The following RBMS3 variants were observed in gnomAD, a reference collection of about 807,000 sequenced individuals.
RBMS3 encodes RNA-binding motif, single-stranded-interacting protein 3.
A neutral mutation model predicts 66.8 loss-of-function variants in RBMS3; 27 were observed. The ratio of observed to expected loss-of-function variants is 0.40; its 90% confidence interval spans 0.30 to 0.56. The LOEUF (loss-of-function observed/expected upper bound fraction) is 0.56. Ranked by LOEUF, RBMS3 falls within the 20% of genes least tolerant of loss-of-function variation. The pLI is 0.40. For missense variants in RBMS3, 513 were observed against 549.5 expected (o/e 0.93, Z 0.66); for synonymous variants, 188 against 183.0 (o/e 1.03, Z -0.22).
At chr3:29,370,774 C>A (rs950381729) in intron 1 of RBMS3, among the ~76,000 whole-genome samples, 9 of 152,174 alleles carry the variant, frequency 5.9e-5, no homozygotes, top group Non-Finnish European at 1.3e-4. Context: ...ATACAAGAAA[C>A]AATCCATAGT....
intron 6 of RBMS3, among the ~76,000 whole-genome samples, chr3:29,858,328 T>C (rs900658950): frequency 6.6e-6 from 1 of 152,186 alleles, no homozygotes; most frequent in African/African-American, 2.4e-5. Flanking sequence ...AATCTATAAA[T>C]ATAAAATACA....
chr3:29,676,375 G>A (rs113001759), intron 4 of RBMS3, among the ~76,000 whole-genome samples: 1 of 152,254 alleles, frequency 6.6e-6, no homozygotes, highest in African/African-American at 2.4e-5. Flanking sequence ...GTATACATAT[G>A]TAACAAACCT....
chr3:29,555,723 G>A (rs2046335740), intron 3 of RBMS3, among the ~76,000 whole-genome samples: 1 of 152,070 alleles, frequency 6.6e-6, no homozygotes, highest in Non-Finnish European at 1.5e-5. Context: ...GTGGAATTTG[G>A]TTCTGTCTCC....
chr3:29,334,539 A>G (rs996088192), intron 1 of RBMS3, among the ~76,000 whole-genome samples: 2 of 152,126 alleles, frequency 1.3e-5, no homozygotes, highest in Non-Finnish European at 2.9e-5. Flanking sequence ...GCAGCAGATG[A>G]TAAATCAAAA....
At chr3:29,306,781 G>GAC (rs2034042613) in intron 1 of RBMS3, among the ~76,000 whole-genome samples, 1 of 151,794 alleles carries the variant, frequency 6.6e-6, no homozygotes, top group Admixed American at 6.6e-5. Context: ...CTTTGCTTAT[G>GAC]TTCTCCCGTT....
At chr3:29,317,125 A>C (rs78387889) in intron 1 of RBMS3, among the ~76,000 whole-genome samples, 2,177 of 151,888 alleles carry the variant, frequency 0.014, 136 homozygotes, top group Admixed American at 0.12. Flanking sequence ...GCCTTAAGTC[A>C]AAATATGATA....
intron 2 of RBMS3, among the ~76,000 whole-genome samples, chr3:29,482,674 A>G (rs1176012714): frequency 2.1e-5 from 3 of 146,104 alleles, no homozygotes; most frequent in Non-Finnish European, 4.5e-5. Flanking sequence ...GAAAAAGTAC[A>G]CAGTCTACCA....
intron 6 of RBMS3, among the ~76,000 whole-genome samples, chr3:29,782,035 G>A (rs1373148591): frequency 1.3e-5 from 2 of 151,966 alleles, no homozygotes; most frequent in Non-Finnish European, 2.9e-5. Flanking sequence ...CCCCCCACCT[G>A]GTGGTCTTTC....
At chr3:29,892,024 T>A (rs1447775854) in intron 8 of RBMS3, among the ~76,000 whole-genome samples, 1 of 151,514 alleles carries the variant, frequency 6.6e-6, no homozygotes, top group Non-Finnish European at 1.5e-5. Context: ...TATATTAATG[T>A]TATTTTTATT....
chr3:29,800,036 A>G (rs1002752606), intron 6 of RBMS3, among the ~76,000 whole-genome samples: 1 of 152,208 alleles, frequency 6.6e-6, no homozygotes, highest in Non-Finnish European at 1.5e-5. Context: ...TAGATGTACC[A>G]TGTATACTGA....
intron 4 of RBMS3, among the ~76,000 whole-genome samples, chr3:29,629,319 C>T (rs765809649): frequency 2.2e-4 from 33 of 152,114 alleles, no homozygotes; most frequent in Non-Finnish European, 3.7e-4. Flanking sequence ...AATTATTTAA[C>T]TCTTCTGTGT....
chr3:29,685,547 G>A (rs1361695803), intron 4 of RBMS3, among the ~76,000 whole-genome samples: 1 of 151,990 alleles, frequency 6.6e-6, no homozygotes, highest in Non-Finnish European at 1.5e-5. Context: ...CCATTACTTG[G>A]TGCAAAACAA....
chr3:29,477,058 G>A (rs1481766865), intron 2 of RBMS3, among the ~76,000 whole-genome samples: 4 of 152,014 alleles, frequency 2.6e-5, no homozygotes, highest in East Asian at 1.9e-4. Context: ...TACAGTACAC[G>A]GAATTTCTCT....
At chr3:29,701,765 G>A (rs2052597429) in intron 4 of RBMS3, among the ~76,000 whole-genome samples, 1 of 152,162 alleles carries the variant, frequency 6.6e-6, no homozygotes, top group Non-Finnish European at 1.5e-5. Context: ...CCGGCCCACT[G>A]GCACTGCGCT....
Position 30,003,943 on chromosome 3 carries a change from A to C in RBMS3, c.*81A>C. ...AACAAGAAGTTGGCTTCCAGTTTGCACAGACGTCAATGGAATGCATTTTTT... is the reference window on the plus strand; with the variant it reads ...AACAAGAAGTTGGCTTCCAGTTTGCCCAGACGTCAATGGAATGCATTTTTT... On this transcript the variant is annotated 3_prime_UTR_variant, in exon 15 of 15. Coordinates refer to ENST00000383767, the MANE Select transcript of RBMS3 (RefSeq NM_001003793.3). 1.6e-6 allele frequency: 2 copies of C among 1,223,266 alleles called. No individual in the cohort carries two copies. The highest frequency in any genetic ancestry group is 2.2e-6 in the Non-Finnish European group (2 of 910,732). 75.8% of individuals were successfully genotyped at this position (1,223,266 alleles called of 1,614,324 possible).
At chr3:29,723,490 A>G (rs2149324398) in intron 4 of RBMS3, among the ~76,000 whole-genome samples, 1 of 152,334 alleles carries the variant, frequency 6.6e-6, no homozygotes, top group East Asian at 1.9e-4. Context: ...TATGTGTTAA[A>G]ATCATTAATG....
chr3:29,484,424 T>G (rs2043247488), intron 2 of RBMS3, among the ~76,000 whole-genome samples: 1 of 152,214 alleles, frequency 6.6e-6, no homozygotes, highest in South Asian at 2.1e-4. Flanking sequence ...ATGGTCTTTT[T>G]GTGCCTGTCT....
intron 6 of RBMS3, among the ~76,000 whole-genome samples, chr3:29,862,864 G>GA (rs5847603): frequency 0.17 from 15,750 of 91,330 alleles, 879 homozygotes; most frequent in East Asian, 0.23. Context: ...AAAGAAAAAA[G>GA]AAAAAAAAAA....
At chr3:29,818,201 C>T (rs1358684023) in intron 6 of RBMS3, among the ~76,000 whole-genome samples, 2 of 152,102 alleles carry the variant, frequency 1.3e-5, no homozygotes, top group Non-Finnish European at 2.9e-5. Context: ...ATCTTAACTT[C>T]AATCAATAAC....
Sources: allele counts gnomAD v4.1 joint callset (sites outside exome capture counted in the v4.1 genomes callset), GRCh38; gene constraint gnomAD v4.1.1; transcripts MANE v1.5; gene names NCBI Gene and HGNC (gene_info 2026-07-23, HGNC 2026-07-21).